TRDMT1: variants seen among roughly 807,000 people sequenced by gnomAD.
The protein encoded by TRDMT1 is tRNA aspartic acid methyltransferase 1.
A neutral mutation model predicts 51.2 loss-of-function variants in TRDMT1; 49 were observed. That is an observed-to-expected ratio of 0.96 (90% CI 0.76 to 1.21). The LOEUF (loss-of-function observed/expected upper bound fraction) is 1.21, where lower values mean the gene tolerates loss of function less well. TRDMT1 is among the 50% of genes most tolerant of loss of function. The pLI is 0.00. For synonymous variants in TRDMT1, 187 were observed against 164.6 expected (o/e 1.14, Z -1.04); for missense variants, 534 against 462.3 (o/e 1.16, Z -1.42).
At chr10:17,193,516 T>A (rs925837225) in intron 1 of TRDMT1, among the ~76,000 whole-genome samples, 1 of 152,190 alleles carries the variant, frequency 6.6e-6, no homozygotes, top group Non-Finnish European at 1.5e-5. Context: ...CAAATAATGT[T>A]CAAACTGAGA....
Position 17,140,735 on chromosome 10 carries a change from C to G in TRDMT1, c.*8305G>C, listed in dbSNP as rs113674011. Reference sequence around the variant, plus strand: ...GCCACATTGATGAAAACAAAAACAACAAAAAAGATCACATTCAATTGAAAA... The same window carrying G: ...GCCACATTGATGAAAACAAAAACAAGAAAAAAGATCACATTCAATTGAAAA... On this transcript the variant is annotated 3_prime_UTR_variant, in exon 11 of 11. Transcript: ENST00000377799. Among the ~76,000 whole-genome samples the G allele has an allele frequency of 2.0e-4, 3 of 15,384 alleles. No homozygotes were observed. In the Non-Finnish European group the frequency reaches 3.4e-3, roughly 17 times the overall value. 10.1% of individuals were successfully genotyped at this position (15,384 alleles called of 152,430 possible).
chr10:17,158,941 G>GTTTTGT (rs1201145703), intron 7 of TRDMT1, among the ~76,000 whole-genome samples: 12 of 152,070 alleles, frequency 7.9e-5, no homozygotes, highest in African/African-American at 2.9e-4. Flanking sequence ...ACATTGTTTT[G>GTTTTGT]TTTTGTTTTT....
intron 2 of TRDMT1, 146 bp from the exon 3 acceptor site, chr10:17,169,063 C>T (rs532023010): frequency 1.6e-6 from 1 of 643,048 alleles, no homozygotes; most frequent in African/African-American, 1.8e-5. Context: ...GGTTAACTAA[C>T]TTCTCAAAGC....
chr10:17,176,779 T>C (rs1026387220), intron 1 of TRDMT1, among the ~76,000 whole-genome samples: 2 of 152,220 alleles, frequency 1.3e-5, no homozygotes, highest in East Asian at 3.8e-4. Context: ...AATCTTAACT[T>C]GAATTCCAAA....
rs1199594912 is a variant in TRDMT1 at position 17,144,497 on chromosome 10, A to G, written c.*4543T>C. 1 of 985,828 alleles carries G rather than the reference A, an allele frequency of 1.0e-6. No homozygotes were observed. Among genetic ancestry groups the G allele is most frequent in the Non-Finnish European group, 1.2e-6 (1 of 829,926 alleles). 61.1% of individuals were successfully genotyped at this position (985,828 alleles called of 1,614,324 possible). On this transcript the variant is annotated 3_prime_UTR_variant, in exon 11 of 11. Transcript: ENST00000377799. ...GAGATTTTGGAAGCTTTAGGAGTCA[A>G]GTGTGGTGTACTTGAGGGAGACTTC... is the stretch of plus-strand genomic sequence containing the variant.
At chr10:17,193,011 T>G (rs1014662917) in intron 1 of TRDMT1, among the ~76,000 whole-genome samples, 1 of 152,108 alleles carries the variant, frequency 6.6e-6, no homozygotes, top group Non-Finnish European at 1.5e-5. Flanking sequence ...GGATGCCCAT[T>G]CTCACCACTC....
At chr10:17,190,717 T>C (rs1045695093) in intron 1 of TRDMT1, among the ~76,000 whole-genome samples, 1 of 152,232 alleles carries the variant, frequency 6.6e-6, no homozygotes, top group Non-Finnish European at 1.5e-5. Flanking sequence ...GGATGATATC[T>C]ACATCAAGCT....
Position 17,157,485 on chromosome 10 carries a change from G to C in TRDMT1, c.843C>G (p.Asp281Glu), listed in dbSNP as rs1040656505. The change falls in exon 8 of 11, where the codon GAC (aspartate) becomes GAG (glutamate). Residue 281 changes from aspartate to glutamate, a missense_variant. Asp to Glu is a conservative substitution (Grantham distance 45, BLOSUM62 2). Coordinates refer to ENST00000377799, the MANE Select transcript of TRDMT1 (RefSeq NM_004412.7). Reference protein sequence around the residue: ...KSLLRYALLLDIVQPTCRRSV... With the variant: ...KSLLRYALLLEIVQPTCRRSV... ...ACCTTCTACAAGTGGGCTGAACAAT[G>C]TCTAACAGAAGAGCATATCGCAGCA... The C allele has an allele frequency of 1.9e-6, 3 of 1,613,734 alleles. No homozygotes were observed. In the African/African-American group the frequency reaches 4.0e-5, roughly 22 times the overall value.
Position 17,142,829 on chromosome 10 carries a change from A to T in TRDMT1, c.*6211T>A. On this transcript the variant is annotated 3_prime_UTR_variant, in exon 11 of 11. Coordinates refer to ENST00000377799, the MANE Select transcript of TRDMT1 (RefSeq NM_004412.7). Reference sequence around the variant, plus strand: ...TCCTCTAGTCTTGGGGTCCCTCCGCAGTGTGTCTTCCTGGTCCCACCTTTC... The same window carrying T: ...TCCTCTAGTCTTGGGGTCCCTCCGCTGTGTGTCTTCCTGGTCCCACCTTTC... The T allele has an allele frequency of 3.2e-6, 1 of 307,908 alleles. No homozygotes were observed. The highest frequency in any genetic ancestry group is 4.7e-6 in the Non-Finnish European group (1 of 210,726). The allele number at this position is 307,908 out of a possible 1,614,324, so 19.1% of individuals were successfully genotyped here.
rs1837704554 is a variant in TRDMT1 at position 17,141,670 on chromosome 10, G to C, written c.*7370C>G. ...TCATTTAGATCAGGTAAATTCTACTGATCCGTCCTTAGGTTCACTGATTTC... is the reference window on the plus strand; with the variant it reads ...TCATTTAGATCAGGTAAATTCTACTCATCCGTCCTTAGGTTCACTGATTTC... On this transcript the variant is annotated 3_prime_UTR_variant, in exon 11 of 11. Coordinates refer to ENST00000377799, the MANE Select transcript of TRDMT1 (RefSeq NM_004412.7). Among the ~76,000 whole-genome samples the C allele has an allele frequency of 6.6e-6, 1 of 152,048 alleles. No individual in the cohort carries two copies. The highest frequency in any genetic ancestry group is 2.4e-5 in the African/African-American group (1 of 41,408).
chr10:17,167,813 CT>C (rs2131475120), intron 3 of TRDMT1, among the ~76,000 whole-genome samples: 3 of 152,244 alleles, frequency 2.0e-5, no homozygotes, highest in Non-Finnish European at 4.4e-5. Flanking sequence ...ATTCACTTTG[CT>C]TAATCAGTAT....
At position 17,141,428 on chromosome 10, in the gene TRDMT1, G is replaced by A. The variant is rs1837679108; in HGVS notation, c.*7612C>T. Among the ~76,000 whole-genome samples, 1 of 152,122 alleles carries A rather than the reference G, an allele frequency of 6.6e-6. No homozygotes were observed. The highest frequency in any genetic ancestry group is 2.1e-4 in the South Asian group (1 of 4,822). Reference sequence around the variant, plus strand: ...GCCCCCCTTCGCCTCCTAAAGTGCTGGGATTACAGGTGTCAGCCACCGCGC... The same window carrying A: ...GCCCCCCTTCGCCTCCTAAAGTGCTAGGATTACAGGTGTCAGCCACCGCGC... On this transcript the variant is annotated 3_prime_UTR_variant, in exon 11 of 11. Coordinates refer to ENST00000377799, the MANE Select transcript of TRDMT1 (RefSeq NM_004412.7).
Position 17,138,394 on chromosome 10 carries a change from G to A in TRDMT1, c.*10646C>T, listed in dbSNP as rs571333576. ...TTGTGATTTTCTGCAAAATTTCAGG[G>A]CAATATAACATTGTTCCAATTCTTT... On this transcript the variant is annotated 3_prime_UTR_variant, in exon 11 of 11. Transcript: ENST00000377799. Among the ~76,000 whole-genome samples the A allele has an allele frequency of 2.0e-5, 3 of 152,198 alleles. No individual in the cohort carries two copies. In the East Asian group the frequency reaches 5.8e-4, roughly 29 times the overall value.
Position 17,168,963 on chromosome 10 carries a change from A to G in TRDMT1, c.175-46T>C, listed in dbSNP as rs543929066. Reference sequence around the variant, plus strand: ...GGGAAAAAAGAACATAAAAACATGGATAGAATGGGGAAGAGGGAAAATACT... The same window carrying G: ...GGGAAAAAAGAACATAAAAACATGGGTAGAATGGGGAAGAGGGAAAATACT... On this transcript the variant is annotated intron_variant, in intron 2 of 10. Coordinates refer to ENST00000377799, the MANE Select transcript of TRDMT1 (RefSeq NM_004412.7). 1.2e-5 allele frequency: 15 copies of G among 1,286,902 alleles called. No homozygotes were observed. In the South Asian group the frequency reaches 2.0e-4, roughly 17 times the overall value. The allele number at this position is 1,286,902 out of a possible 1,614,324, so 79.7% of individuals were successfully genotyped here.
At chr10:17,164,137 G>A (rs1025569239) in intron 3 of TRDMT1, among the ~76,000 whole-genome samples, 2 of 152,112 alleles carry the variant, frequency 1.3e-5, no homozygotes, top group African/African-American at 2.4e-5. Flanking sequence ...CTGGCAAACC[G>A]AATCCAGCAG....
chr10:17,162,933 A>AAC (rs146122310), intron 3 of TRDMT1, among the ~76,000 whole-genome samples: 2 of 152,222 alleles, frequency 1.3e-5, no homozygotes, highest in Admixed American at 6.5e-5. Context: ...TGTTTAGGAA[A>AAC]ACACACACAC....
Position 17,145,403 on chromosome 10 carries a change from T to A in TRDMT1, c.*3637A>T. 1 of 985,370 alleles carries A rather than the reference T, an allele frequency of 1.0e-6. No individual in the cohort carries two copies. Among genetic ancestry groups the A allele is most frequent in the Non-Finnish European group, 1.2e-6 (1 of 829,904 alleles). The allele number at this position is 985,370 out of a possible 1,614,324, so 61.0% of individuals were successfully genotyped here. A position where few individuals can be genotyped will look rare whatever the true frequency, so the allele number is the denominator to read the frequency against. On this transcript the variant is annotated 3_prime_UTR_variant, in exon 11 of 11. Coordinates refer to ENST00000377799, the MANE Select transcript of TRDMT1 (RefSeq NM_004412.7). ...GATAGTTGTATATAGCACATTTGAA[T>A]GGTAGATGGAAGAGATTAACTAGTA... is the stretch of plus-strand genomic sequence containing the variant.
chr10:17,171,090 T>G (rs1841917217), intron 2 of TRDMT1, among the ~76,000 whole-genome samples: 1 of 148,072 alleles, frequency 6.8e-6, no homozygotes, highest in African/African-American at 2.5e-5. Flanking sequence ...GTTTCACCAT[T>G]TGGTATGTTA....
intron 1 of TRDMT1, among the ~76,000 whole-genome samples, chr10:17,181,916 G>C (rs1843329376): frequency 6.6e-6 from 1 of 152,084 alleles, no homozygotes. Flanking sequence ...TTTCTTTGGG[G>C]GAAACTTACC....
Sources: allele counts gnomAD v4.1 joint callset (sites outside exome capture counted in the v4.1 genomes callset), GRCh38; gene constraint gnomAD v4.1.1; transcripts MANE v1.5; gene names NCBI Gene and HGNC (gene_info 2026-07-23, HGNC 2026-07-21).